The following SMAD2 variants were observed in gnomAD, a reference collection of about 807,000 sequenced individuals.
SMAD2 encodes MAD homolog 2.
Under a neutral mutation model 64.4 loss-of-function variants are expected in SMAD2, and 8 were observed. The observed-to-expected ratio is 0.12, with a 90% CI of 0.07 to 0.22. The LOEUF is 0.22. Ranked by LOEUF, SMAD2 falls within the 10% of genes least tolerant of loss-of-function variation. The pLI, the probability that SMAD2 is intolerant of heterozygous loss-of-function variation, is 1.00. For synonymous variants in SMAD2, 203 were observed against 195.8 expected, an observed-to-expected ratio of 1.04 and a Z score of -0.31; for missense variants, 289 against 561.2, an observed-to-expected ratio of 0.51 and a Z score of 4.90.
intron 6 of SMAD2, 147 bp from the exon 7 acceptor site, chr18:47,851,474 ATTTAG>A (rs747135766): frequency 2.9e-5 from 8 of 278,510 alleles, no homozygotes; most frequent in Admixed American, 4.8e-5. Flanking sequence ...AAGTGCTTAA[ATTTAG>A]TTTAATTTGT....
intron 1 of SMAD2, among the ~76,000 whole-genome samples, chr18:47,915,587 G>T (rs1233936081): frequency 1.3e-5 from 2 of 152,192 alleles, no homozygotes; most frequent in East Asian, 3.9e-4. Context: ...AAGTCCCACA[G>T]TGAAAAGTAC....
rs2144383993 is a variant in SMAD2 at position 47,870,484 on chromosome 18, T to A, written c.317A>T (p.Glu106Val). Residue 106 changes from glutamate to valine, a missense_variant, in exon 3 of 11, where the codon GAA (glutamate) becomes GTA (valine). Around this residue, in one of 6 missense-constraint regions of SMAD2, gnomAD observed 89 missense variants for 137.1 expected, o/e 0.65. Coordinates refer to ENST00000262160, the MANE Select transcript of SMAD2 (RefSeq NM_005901.6). ...WDTTGLYSFSEQTRSLDGRLQ... is the reference protein window; with the variant it reads ...WDTTGLYSFSVQTRSLDGRLQ... ...AGGGCAGAATATTCACCTGGTTTGT[T>A]CAGAGAAGCTGTAAAGGCCTGTTGT... 6.2e-7 allele frequency: 1 copy of A among 1,611,720 alleles called. No individual in the cohort carries two copies. Among genetic ancestry groups the A allele is most frequent in the Admixed American group, 1.7e-5 (1 of 59,986 alleles).
chr18:47,870,964 T>C (rs1354700735), intron 2 of SMAD2, among the ~76,000 whole-genome samples: 2 of 152,182 alleles, frequency 1.3e-5, no homozygotes, highest in Non-Finnish European at 2.9e-5. Flanking sequence ...ATTTTTAATA[T>C]AGAAAAAAAT....
chr18:47,880,374 C>T (rs988802494), intron 2 of SMAD2, among the ~76,000 whole-genome samples: 1 of 152,184 alleles, frequency 6.6e-6, no homozygotes, highest in Non-Finnish European at 1.5e-5. Context: ...TGTTCCAGCA[C>T]CATTTGTTGA....
rs1353004099 is a variant in SMAD2 at position 47,820,127 on chromosome 18, CAAT to C, written c.*21697_*21699del. 1 of 151,506 alleles carries C rather than the reference CAAT, an allele frequency of 6.6e-6. No homozygotes were observed. Among genetic ancestry groups the C allele is most frequent in the Non-Finnish European group, 1.5e-5 (1 of 67,840 alleles). The allele number at this position is 151,506 out of a possible 1,614,324, so 9.4% of individuals were successfully genotyped here. On this transcript the variant is annotated 3_prime_UTR_variant, in exon 11 of 11. Transcript: ENST00000262160. ...TGTCTGGATCATTTCCAAAAAAAAA[CAAT>C]AAACTGCTGAAAATATTAGTTTGTT...
rs1201937883 is a variant in SMAD2 at position 47,833,411 on chromosome 18, T to G, written c.*8416A>C. On this transcript the variant is annotated 3_prime_UTR_variant, in exon 11 of 11. Coordinates refer to ENST00000262160, the MANE Select transcript of SMAD2 (RefSeq NM_005901.6). ...GCCTCAGCTCATTGTTTAATAAAAA[T>G]AAAAAAGGAACCACATCGTACTTTT... 4.5e-6 allele frequency: 1 copy of G among 224,654 alleles called. No homozygotes were observed. Among genetic ancestry groups the G allele is most frequent in the Non-Finnish European group, 8.9e-6 (1 of 112,546 alleles). The allele number at this position is 224,654 out of a possible 1,614,324, so 13.9% of individuals were successfully genotyped here. A position where few individuals can be genotyped will look rare whatever the true frequency, so the allele number is the denominator to read the frequency against.
intron 1 of SMAD2, among the ~76,000 whole-genome samples, chr18:47,911,158 C>T (rs2034116740): frequency 6.6e-6 from 1 of 151,896 alleles, no homozygotes; most frequent in African/African-American, 2.4e-5. Flanking sequence ...GAGAACTAGC[C>T]TGACCAACAT....
At chr18:47,928,218 C>A (rs1598912270) in intron 1 of SMAD2, among the ~76,000 whole-genome samples, 1 of 152,164 alleles carries the variant, frequency 6.6e-6, no homozygotes, top group East Asian at 1.9e-4. Flanking sequence ...AAAGCTGCTA[C>A]AAAACGAGGT....
intron 6 of SMAD2, among the ~76,000 whole-genome samples, chr18:47,856,971 C>T (rs968579998): frequency 4.0e-5 from 6 of 149,900 alleles, no homozygotes; most frequent in Non-Finnish European, 8.9e-5. Context: ...CATTCTCCTG[C>T]CTCAGCCTCC....
At chr18:47,887,478 ACT>A (rs143478947) in intron 2 of SMAD2, among the ~76,000 whole-genome samples, 5,138 of 151,862 alleles carry the variant, frequency 0.034, 301 homozygotes, top group African/African-American at 0.12. Flanking sequence ...CCAAATGCAG[ACT>A]CTCACCTATA....
rs1913350560 is a variant in SMAD2 at position 47,835,674 on chromosome 18, G to C, written c.*6153C>G. On this transcript the variant is annotated 3_prime_UTR_variant, in exon 11 of 11. Coordinates refer to ENST00000262160, the MANE Select transcript of SMAD2 (RefSeq NM_005901.6). ...ACCTAGTGATTAACATTGTAAAATA[G>C]TCAAAAACTTTAAAGCCACAGAGAA... The C allele has an allele frequency of 5.2e-6, 1 of 192,374 alleles. No homozygotes were observed. Among genetic ancestry groups the C allele is most frequent in the South Asian group, 1.9e-4 (1 of 5,168 alleles). 11.9% of individuals were successfully genotyped at this position (192,374 alleles called of 1,614,324 possible).
rs1460166065 is a variant in SMAD2, at chr18:47,818,793, A to G, written c.*23034T>C. 1 of 152,204 alleles carries G rather than the reference A, an allele frequency of 6.6e-6. No homozygotes were observed. Among genetic ancestry groups the G allele is most frequent in the African/African-American group, 2.4e-5 (1 of 41,442 alleles). The allele number at this position is 152,204 out of a possible 1,614,324, so 9.4% of individuals were successfully genotyped here. A position where few individuals can be genotyped will look rare whatever the true frequency, so the allele number is the denominator to read the frequency against. On this transcript the variant is annotated 3_prime_UTR_variant, in exon 11 of 11. Transcript: ENST00000262160. ...AGGTTTTTTAAAAATCCAAACTGCT[A>G]TTTACCAAAACTTTTGGTTCACAGC...
rs372785812 is a variant in SMAD2 at position 47,831,696 on chromosome 18, C to T, written c.*10131G>A. The T allele has an allele frequency of 6.6e-6, 1 of 152,190 alleles. No homozygotes were observed. The highest frequency in any genetic ancestry group is 1.5e-5 in the Non-Finnish European group (1 of 68,038). The allele number at this position is 152,190 out of a possible 1,614,324, so 9.4% of individuals were successfully genotyped here. A position where few individuals can be genotyped will look rare whatever the true frequency, so the allele number is the denominator to read the frequency against. On this transcript the variant is annotated 3_prime_UTR_variant, in exon 11 of 11. Coordinates refer to ENST00000262160, the MANE Select transcript of SMAD2 (RefSeq NM_005901.6). ...TCACTGAATCTGTTATCTGCTAAGT[C>T]TGATTCAATGTTCTTGCCTTCTATT... is the stretch of plus-strand genomic sequence containing the variant.
intron 2 of SMAD2, among the ~76,000 whole-genome samples, chr18:47,888,121 T>C (rs1333332194): frequency 6.6e-6 from 1 of 152,102 alleles, no homozygotes; most frequent in Non-Finnish European, 1.5e-5. Context: ...ATTATAACAT[T>C]CTGCTATAGT....
intron 6 of SMAD2, among the ~76,000 whole-genome samples, chr18:47,864,305 C>T (rs1366936253): frequency 1.3e-5 from 2 of 151,958 alleles, no homozygotes; most frequent in African/African-American, 4.8e-5. Context: ...TATTGTAACC[C>T]CTCCCTCCCC....
rs1012171159 is a variant in SMAD2, at chr18:47,821,311, T to G, written c.*20516A>C. ...TTTTGTTTGGCAGGGGTGATAACTC[T>G]TAACTTTTTCATTAGCTCCTGTAAC... On this transcript the variant is annotated 3_prime_UTR_variant, in exon 11 of 11. Coordinates refer to ENST00000262160, the MANE Select transcript of SMAD2 (RefSeq NM_005901.6). 6.6e-6 allele frequency: 1 copy of G among 152,182 alleles called. No individual in the cohort carries two copies. Among genetic ancestry groups the G allele is most frequent in the African/African-American group, 2.4e-5 (1 of 41,436 alleles). 9.4% of individuals were successfully genotyped at this position (152,182 alleles called of 1,614,324 possible).
intron 6 of SMAD2, 37 bp downstream of exon 6, chr18:47,865,022 C>T (rs1568060073): frequency 8.5e-7 from 1 of 1,174,272 alleles, no homozygotes; most frequent in African/African-American, 1.5e-5. Flanking sequence ...AAATGTATAT[C>T]TAATAACTGA....
rs1232312408 is a variant in SMAD2 at position 47,835,876 on chromosome 18, G to C, written c.*5951C>G. 2 of 203,510 alleles carry C rather than the reference G, an allele frequency of 9.8e-6. No homozygotes were observed. The highest frequency in any genetic ancestry group is 2.0e-5 in the Non-Finnish European group (2 of 99,194). The allele number at this position is 203,510 out of a possible 1,614,324, so 12.6% of individuals were successfully genotyped here. A position where few individuals can be genotyped will look rare whatever the true frequency, so the allele number is the denominator to read the frequency against. ...TTGGAGAAACTAAGAGCTGTTAACT[G>C]TTTGGAGGGTAAAAGAATACTTTTC... On this transcript the variant is annotated 3_prime_UTR_variant, in exon 11 of 11. Coordinates refer to ENST00000262160, the MANE Select transcript of SMAD2 (RefSeq NM_005901.6).
intron 8 of SMAD2, among the ~76,000 whole-genome samples, chr18:47,848,120 A>AAAAC (rs1914705835): frequency 6.6e-6 from 1 of 151,488 alleles, no homozygotes; most frequent in South Asian, 2.1e-4. Flanking sequence ...GAAAAAAAAC[A>AAAAC]AAAACAAAAC....
Sources: allele counts gnomAD v4.1 joint callset (sites outside exome capture counted in the v4.1 genomes callset), GRCh38; gene constraint gnomAD v4.1.1; regional missense constraint gnomAD v4.1.1; transcripts MANE v1.5; gene names NCBI Gene and HGNC (gene_info 2026-07-23, HGNC 2026-07-21).